LOXHD1: variants seen among roughly 807,000 people sequenced by gnomAD.
LOXHD1 encodes lipoxygenase homology PLAT domains 1, also known as lipoxygenase homology domain-containing protein 1.
In LOXHD1, 205 loss-of-function variants were observed where a neutral mutation model predicts 248.2. The ratio of observed to expected loss-of-function variants is 0.83; its 90% CI spans 0.74 to 0.93. The LOEUF (loss-of-function observed/expected upper bound fraction) is 0.93. Ranked by LOEUF, LOXHD1 falls within the 40% of genes least tolerant of loss-of-function variation. The pLI, the probability that LOXHD1 is intolerant of heterozygous loss-of-function variation, is 0.00. For missense variants in LOXHD1, 2,930 were observed against 2,971.6 expected (o/e 0.99, Z 0.33); for synonymous variants, 1,113 against 1,162.8 (o/e 0.96, Z 0.87).
chr18:46,498,869 C>G (rs796696298), intron 37 of LOXHD1, among the ~76,000 whole-genome samples: 48 of 152,252 alleles, frequency 3.2e-4, no homozygotes, highest in African/African-American at 1.2e-3. Context: ...GACACCTACC[C>G]TTGGATAATT....
chr18:46,569,084 C>G (rs1030883203), intron 16 of LOXHD1, among the ~76,000 whole-genome samples: 3 of 111,406 alleles, frequency 2.7e-5, no homozygotes, highest in Non-Finnish European at 6.3e-5. Flanking sequence ...TTCTCTTTTC[C>G]TTCCCTGCGT....
At chr18:46,612,230 A>C (rs1176058833) in intron 5 of LOXHD1, among the ~76,000 whole-genome samples, 1 of 152,186 alleles carries the variant, frequency 6.6e-6, no homozygotes, top group East Asian at 1.9e-4. Flanking sequence ...GCACATTTGT[A>C]AGAACAGCTC....
chr18:46,617,175 T>C (rs1183064279), intron 5 of LOXHD1, among the ~76,000 whole-genome samples: 1 of 152,208 alleles, frequency 6.6e-6, no homozygotes, highest in African/African-American at 2.4e-5. Context: ...AAATCAAACC[T>C]CAAGCCCACA....
At chr18:46,545,234 T>G (rs965107331) in intron 23 of LOXHD1, 83 bp downstream of exon 23, 1 of 967,978 alleles carries the variant, frequency 1.0e-6, no homozygotes, top group East Asian at 2.6e-5. Flanking sequence ...ATAATTAGGA[T>G]TCCCCTTGGA....
chr18:46,560,721 G>A (rs2037509322), intron 18 of LOXHD1, among the ~76,000 whole-genome samples, 176 bp from the exon 19 acceptor site: 1 of 152,168 alleles, frequency 6.6e-6, no homozygotes, highest in African/African-American at 2.4e-5. Flanking sequence ...GGCCACACCT[G>A]TCCTGGGTCC....
At chr18:46,565,200 G>T (rs1015182405) in intron 17 of LOXHD1, among the ~76,000 whole-genome samples, 1 of 151,884 alleles carries the variant, frequency 6.6e-6, no homozygotes, top group African/African-American at 2.4e-5. Context: ...GGAGGAGGTT[G>T]CAGTGAGCTG....
intron 13 of LOXHD1, among the ~76,000 whole-genome samples, chr18:46,578,571 A>G (rs1412509716): frequency 6.6e-6 from 1 of 152,216 alleles, no homozygotes; most frequent in African/African-American, 2.4e-5. Flanking sequence ...GCAGCCTTCA[A>G]ATGGCCATGA....
At chr18:46,516,563 T>A (rs2035258679) in intron 34 of LOXHD1, among the ~76,000 whole-genome samples, 1 of 152,164 alleles carries the variant, frequency 6.6e-6, no homozygotes, top group Admixed American at 6.5e-5. Context: ...AGTAGCCACA[T>A]CCTCATCATC....
intron 24 of LOXHD1, 133 bp downstream of exon 24, chr18:46,542,594 A>T: frequency 8.9e-7 from 1 of 1,122,470 alleles, no homozygotes; most frequent in African/African-American, 1.6e-5. Context: ...ACTGGGCTAA[A>T]GGGATTAAGG....
intron 40 of LOXHD1, 69 bp from the exon 41 acceptor site, chr18:46,478,021 C>CAG (rs1475092906): frequency 2.7e-6 from 4 of 1,490,172 alleles, no homozygotes; most frequent in Non-Finnish European, 3.6e-6. Context: ...CTCCCTCCCC[C>CAG]AGATCCCCTT....
intron 34 of LOXHD1, among the ~76,000 whole-genome samples, chr18:46,515,401 C>G (rs1384183540): frequency 6.6e-6 from 1 of 152,062 alleles, no homozygotes; most frequent in East Asian, 1.9e-4. Context: ...CGGGTAACAG[C>G]CCTGAGCTTG....
chr18:46,485,347 G>T (rs1015310031), intron 38 of LOXHD1, among the ~76,000 whole-genome samples, 196 bp from the exon 39 acceptor site: 1 of 151,928 alleles, frequency 6.6e-6, no homozygotes, highest in Admixed American at 6.6e-5. Flanking sequence ...TACAGCGAAT[G>T]CTCTCATTTT....
intron 27 of LOXHD1, among the ~76,000 whole-genome samples, 151 bp from the exon 28 acceptor site, chr18:46,533,475 T>A (rs992892414): frequency 6.6e-6 from 1 of 152,202 alleles, no homozygotes; most frequent in African/African-American, 2.4e-5. Context: ...CTTGCCCCAA[T>A]TTCAGTAGAT....
chr18:46,539,818 T>C (rs1276963940), intron 25 of LOXHD1, among the ~76,000 whole-genome samples: 11 of 152,106 alleles, frequency 7.2e-5, no homozygotes, highest in Admixed American at 7.2e-4. Context: ...AAGAAGAATA[T>C]TGAAAACCCA....
intron 34 of LOXHD1, among the ~76,000 whole-genome samples, chr18:46,513,213 T>G: frequency 6.6e-6 from 1 of 152,236 alleles, no homozygotes; most frequent in East Asian, 1.9e-4. Flanking sequence ...ATGTTCATGA[T>G]AAAATGTTTA....
At chr18:46,594,597 T>A (rs1291672201) in intron 8 of LOXHD1, 131 bp from the exon 9 acceptor site, 4 of 1,055,938 alleles carry the variant, frequency 3.8e-6, no homozygotes, top group Non-Finnish European at 5.4e-6. Flanking sequence ...GCACCTTTTC[T>A]GTTGCCTATC....
intron 6 of LOXHD1, among the ~76,000 whole-genome samples, chr18:46,608,596 T>C (rs1217920196): frequency 3.3e-5 from 5 of 152,188 alleles, no homozygotes; most frequent in African/African-American, 9.7e-5. Flanking sequence ...TCTCCCCGCT[T>C]TGCCCAGCTA....
chr18:46,627,033 T>C (rs992891580), intron 4 of LOXHD1, among the ~76,000 whole-genome samples: 1 of 152,232 alleles, frequency 6.6e-6, no homozygotes, highest in Non-Finnish European at 1.5e-5. Context: ...CTTATTCTTC[T>C]GTTGCTTATT....
chr18:46,559,225 G>A (rs933545997), intron 20 of LOXHD1: 46 of 1,496,014 alleles, frequency 3.1e-5, no homozygotes, highest in African/African-American at 5.5e-5. Flanking sequence ...CTGTGGGTCA[G>A]CTGGCCCATG....
Sources: gnomAD v4.1 joint callset for allele counts (sites outside exome capture counted in the v4.1 genomes callset) on GRCh38, gnomAD v4.1.1 for gene constraint, MANE v1.5 for transcripts, NCBI Gene and HGNC (gene_info 2026-07-23, HGNC 2026-07-21) for gene names.